The following STK32A variants were observed in gnomAD, a reference collection of about 807,000 sequenced individuals.
STK32A encodes the protein serine/threonine kinase 32A.
Under a neutral mutation model 53.2 loss-of-function variants are expected in STK32A, and 41 were observed. That is an observed-to-expected ratio of 0.77 (90% CI 0.60 to 1.00). STK32A has a LOEUF of 1.00. Ranked by LOEUF, STK32A falls within the 50% of genes least tolerant of loss-of-function variation. The probability of loss-of-function intolerance (pLI) is 0.00; values close to 1 mark genes in which losing one functional copy is unlikely to be tolerated. For missense variants in STK32A, 458 were observed against 485.8 expected, an observed-to-expected ratio of 0.94 and a Z score of 0.54; for synonymous variants, 166 against 162.8, an observed-to-expected ratio of 1.02 and a Z score of -0.15.
intron 4 of STK32A, among the ~76,000 whole-genome samples, chr5:147,284,534 T>C (rs183867883): frequency 3.5e-4 from 54 of 152,132 alleles, no homozygotes; most frequent in African/African-American, 1.3e-3. Context: ...AGAAAGCTCC[T>C]AGAACTGATA....
chr5:147,389,392 A>G (rs1334005706), downstream of STK32A, among the ~76,000 whole-genome samples: 1 of 152,100 alleles, frequency 6.6e-6, no homozygotes, highest in African/African-American at 2.4e-5. Context: ...GGGGCCAGGT[A>G]TGTTATCCGG....
chr5:147,301,309 C>T (rs144938040), intron 4 of STK32A, among the ~76,000 whole-genome samples: 15 of 150,214 alleles, frequency 1.0e-4, no homozygotes, highest in Admixed American at 4.6e-4. Flanking sequence ...TTTTTTTTTC[C>T]TATAGATACA....
intron 6 of STK32A, among the ~76,000 whole-genome samples, chr5:147,344,761 T>C (rs1755603897): frequency 6.6e-6 from 1 of 152,362 alleles, no homozygotes; most frequent in African/African-American, 2.4e-5. Context: ...AGTCCTCACT[T>C]GCTCCCTCAG....
At chr5:147,370,451 T>C (rs1269590744) in intron 8 of STK32A, among the ~76,000 whole-genome samples, 1 of 152,156 alleles carries the variant, frequency 6.6e-6, no homozygotes, top group South Asian at 2.1e-4. Context: ...CGACCATAAA[T>C]TCCTAGTGTC....
At chr5:147,236,329 A>G (rs541107811) in intron 1 of STK32A, among the ~76,000 whole-genome samples, 1 of 152,156 alleles carries the variant, frequency 6.6e-6, no homozygotes, top group South Asian at 2.1e-4. Context: ...TATGCTTTGG[A>G]TTTTCATTTT....
intron 2 of STK32A, among the ~76,000 whole-genome samples, chr5:147,274,476 C>T (rs1257781145): frequency 6.6e-6 from 1 of 152,212 alleles, no homozygotes; most frequent in African/African-American, 2.4e-5. Context: ...GTAAACACCA[C>T]TAAGGTTAAC....
At chr5:147,300,094 G>A (rs533848939) in intron 4 of STK32A, among the ~76,000 whole-genome samples, 93 of 152,218 alleles carry the variant, frequency 6.1e-4, no homozygotes, top group African/African-American at 2.1e-3. Flanking sequence ...AGAACTCAAG[G>A]TGGCCTTCAG....
At chr5:147,376,225 C>T (rs532120795) in intron 11 of STK32A, among the ~76,000 whole-genome samples, 1 of 152,282 alleles carries the variant, frequency 6.6e-6, no homozygotes, top group African/African-American at 2.4e-5. Flanking sequence ...ACATCTCTGT[C>T]CTGTTTGATC....
chr5:147,261,243 T>A (rs1754557566), intron 2 of STK32A, among the ~76,000 whole-genome samples: 1 of 152,190 alleles, frequency 6.6e-6, no homozygotes, highest in Non-Finnish European at 1.5e-5. Context: ...CACTCGAATA[T>A]AAAATTTTCT....
chr5:147,399,984 A>G, the STK32A span, among the ~76,000 whole-genome samples: 3 of 152,342 alleles, frequency 2.0e-5, no homozygotes, highest in Admixed American at 6.5e-5. Context: ...AGCAAAGAAG[A>G]AAAAGAAAAC....
At chr5:147,303,837 A>G (rs893223728) in intron 4 of STK32A, among the ~76,000 whole-genome samples, 4 of 152,110 alleles carry the variant, frequency 2.6e-5, no homozygotes, top group African/African-American at 9.7e-5. Flanking sequence ...CAGTTTCTGA[A>G]GAAGAACTTA....
intron 11 of STK32A, among the ~76,000 whole-genome samples, chr5:147,376,211 G>A (rs969659322): frequency 4.6e-5 from 7 of 152,054 alleles, no homozygotes; most frequent in East Asian, 1.9e-4. Context: ...ATTAACCAAC[G>A]TTCACATCTC....
chr5:147,307,256 G>A (rs1203538159), intron 4 of STK32A, among the ~76,000 whole-genome samples: 2 of 151,590 alleles, frequency 1.3e-5, no homozygotes, highest in Non-Finnish European at 2.9e-5. Context: ...AATAAAAAAT[G>A]TTTGGACTTA....
intron 2 of STK32A, among the ~76,000 whole-genome samples, chr5:147,242,056 G>T (rs564653384): frequency 6.6e-6 from 1 of 152,170 alleles, no homozygotes; most frequent in Non-Finnish European, 1.5e-5. Flanking sequence ...TACTTTAAAG[G>T]ACTCTAGAAA....
chr5:147,393,012 C>A, the STK32A span: 34 of 152,336 alleles, frequency 2.2e-4, no homozygotes, highest in African/African-American at 8.2e-4. Context: ...GAATCAAACA[C>A]AAACTGCCTG....
At chr5:147,281,949 A>T (rs1300963163) in intron 4 of STK32A, among the ~76,000 whole-genome samples, 1 of 152,196 alleles carries the variant, frequency 6.6e-6, no homozygotes, top group Non-Finnish European at 1.5e-5. Context: ...TTGGAGCCCT[A>T]TCTCTGGCCT....
intron 2 of STK32A, among the ~76,000 whole-genome samples, chr5:147,260,316 TCTTCTCC>T (rs1220863480): frequency 3.8e-5 from 5 of 131,230 alleles, no homozygotes; most frequent in East Asian, 4.8e-4. Context: ...TCTCTCTCTC[TCTTCTCC>T]GTCTCTATCT....
Position 147,292,861 on chromosome 5 carries a change from C to CA in STK32A, c.260+13474dup, listed in dbSNP as rs58476342. Among the ~76,000 whole-genome samples, 851 of 145,912 alleles carry CA rather than the reference C, an allele frequency of 5.8e-3. 10 individuals are homozygous for CA. Among genetic ancestry groups the CA allele is most frequent in the African/African-American group, 0.02 (784 of 39,756 alleles). On this transcript the variant is annotated intron_variant, in intron 4 of 12. Transcript: ENST00000397936. ...GGGCAACAAGAGTGAAACTTCATCT[C>CA]AAAAAAAAAAAGAAAAATTTAGTTC...
intron 8 of STK32A, among the ~76,000 whole-genome samples, chr5:147,364,777 A>T (rs1233596440): frequency 6.6e-6 from 1 of 152,036 alleles, no homozygotes; most frequent in Non-Finnish European, 1.5e-5. Context: ...CACCCTTATG[A>T]CCTAATCTAA....
Sources: gnomAD v4.1 joint callset for allele counts (sites outside exome capture counted in the v4.1 genomes callset) on GRCh38, gnomAD v4.1.1 for gene constraint, MANE v1.5 for transcripts, NCBI Gene and HGNC (gene_info 2026-07-23, HGNC 2026-07-21) for gene names.